The following EPSTI1 variants were observed in gnomAD, a reference collection of about 807,000 sequenced individuals.
EPSTI1 encodes epithelial-stromal interaction protein 1.
A neutral mutation model predicts 49.9 loss-of-function variants in EPSTI1; 66 were observed. The ratio of observed to expected loss-of-function variants is 1.32; its 90% CI spans 1.08 to 1.62. The LOEUF (loss-of-function observed/expected upper bound fraction) is 1.62, where lower values mean the gene tolerates loss of function less well. Among genes scored for constraint, EPSTI1 ranks in the 40% most tolerant of loss-of-function variants. The probability of loss-of-function intolerance (pLI) is 0.00; values close to 1 mark genes in which losing one functional copy is unlikely to be tolerated. For missense variants in EPSTI1, 394 were observed against 365.5 expected (o/e 1.08, Z -0.64); for synonymous variants, 137 against 130.7 (o/e 1.05, Z -0.33).
At position 42,964,142 on chromosome 13, in the gene EPSTI1, T is replaced by C. The variant is rs367912895; in HGVS notation, c.332-3A>G. On this transcript the variant is annotated splice_polypyrimidine_tract_variant and splice_region_variant and intron_variant, in intron 3 of 10. Transcript: ENST00000313624. ...TTCAGTTTCTGACTGGCTTCCACCT[T>C]AGGAAAAAAAAATCCATGAAGGTGA... 2 of 1,610,636 alleles carry C rather than the reference T, an allele frequency of 1.2e-6. No individual in the cohort carries two copies. Among genetic ancestry groups the C allele is most frequent in the Non-Finnish European group, 1.7e-6 (2 of 1,178,882 alleles).
At chr13:42,903,207 GAC>G (rs1337178758) in intron 8 of EPSTI1, among the ~76,000 whole-genome samples, 1 of 76,820 alleles carries the variant, frequency 1.3e-5, no homozygotes, top group Non-Finnish European at 4.0e-5. Flanking sequence ...TGCATACTAT[GAC>G]ATGTTACTTT....
chr13:42,916,923 C>A (rs973727596), intron 8 of EPSTI1, among the ~76,000 whole-genome samples: 2 of 152,166 alleles, frequency 1.3e-5, no homozygotes, highest in African/African-American at 4.8e-5. Context: ...GTATGAACAT[C>A]AAGTATGCCA....
At chr13:42,991,938 C>T (rs762678435) in intron 1 of EPSTI1, 40 bp downstream of exon 1, 1 of 1,610,808 alleles carries the variant, frequency 6.2e-7, no homozygotes, top group Non-Finnish European at 8.5e-7. Flanking sequence ...TGTTTGGGGC[C>T]CGGGCTCCCG....
chr13:42,901,832 T>A (rs1365576987), intron 8 of EPSTI1, among the ~76,000 whole-genome samples: 1 of 152,140 alleles, frequency 6.6e-6, no homozygotes, highest in Non-Finnish European at 1.5e-5. Context: ...TAGTTACATA[T>A]GTATACATGT....
At chr13:42,965,348 T>G (rs1248461143) in intron 3 of EPSTI1, among the ~76,000 whole-genome samples, 1 of 152,172 alleles carries the variant, frequency 6.6e-6, no homozygotes, top group Non-Finnish European at 1.5e-5. Context: ...CACACATACC[T>G]GACTAACCCT....
intron 6 of EPSTI1, among the ~76,000 whole-genome samples, chr13:42,933,563 T>C (rs1013018987): frequency 2.0e-5 from 3 of 152,222 alleles, no homozygotes; most frequent in African/African-American, 7.2e-5. Flanking sequence ...TACACCATCC[T>C]CTTTGCCATT....
intron 9 of EPSTI1, among the ~76,000 whole-genome samples, chr13:42,897,622 G>A (rs995098831): frequency 6.6e-5 from 10 of 152,270 alleles, no homozygotes; most frequent in South Asian, 2.1e-4. Context: ...CAAACCCTGC[G>A]AAGACTGATG....
intron 5 of EPSTI1, among the ~76,000 whole-genome samples, chr13:42,958,485 G>C (rs2039341918): frequency 6.6e-6 from 1 of 152,080 alleles, no homozygotes; most frequent in Non-Finnish European, 1.5e-5. Context: ...AGGAGAAAGG[G>C]AGCTTAACTG....
chr13:42,933,287 TTGGAAA>T (rs2038440167), intron 6 of EPSTI1, among the ~76,000 whole-genome samples: 1 of 149,678 alleles, frequency 6.7e-6, no homozygotes, highest in African/African-American at 2.5e-5. Flanking sequence ...TCTCTCTAAG[TTGGAAA>T]TTATTTCAAC....
At chr13:42,908,909 C>A (rs1192273396) in intron 8 of EPSTI1, among the ~76,000 whole-genome samples, 2 of 147,540 alleles carry the variant, frequency 1.4e-5, no homozygotes, top group African/African-American at 2.5e-5. Flanking sequence ...ATGGTGAAAC[C>A]CTGTCTCGAC....
At chr13:42,938,429 A>G (rs1474933369) in intron 6 of EPSTI1, among the ~76,000 whole-genome samples, 9 of 152,112 alleles carry the variant, frequency 5.9e-5, no homozygotes, top group Admixed American at 5.2e-4. Context: ...ACAATTTAGC[A>G]TATTTTTTTA....
At chr13:42,950,982 C>A (rs148562786) in intron 6 of EPSTI1, among the ~76,000 whole-genome samples, 1 of 152,010 alleles carries the variant, frequency 6.6e-6, no homozygotes, top group Admixed American at 6.6e-5. Context: ...CATGGTGAAA[C>A]CCTATCTCTA....
chr13:42,980,391 A>G (rs1266383918), intron 1 of EPSTI1, among the ~76,000 whole-genome samples: 3 of 152,208 alleles, frequency 2.0e-5, no homozygotes, highest in East Asian at 1.9e-4. Context: ...ATTTATAAAG[A>G]AAAAGAGGTT....
intron 8 of EPSTI1, 93 bp from the exon 9 acceptor site, chr13:42,900,476 T>C (rs546234745): frequency 1.2e-5 from 14 of 1,211,614 alleles, no homozygotes; most frequent in South Asian, 5.3e-5. Flanking sequence ...CCTCAACTGG[T>C]ACAATATTTC....
intron 8 of EPSTI1, among the ~76,000 whole-genome samples, chr13:42,905,221 G>A (rs2037465147): frequency 6.6e-6 from 1 of 152,166 alleles, no homozygotes; most frequent in Admixed American, 6.5e-5. Context: ...GGCAAGGAAA[G>A]GGGAGAAGAG....
intron 6 of EPSTI1, among the ~76,000 whole-genome samples, chr13:42,950,779 C>T (rs565586492): frequency 6.6e-6 from 1 of 152,298 alleles, no homozygotes; most frequent in Admixed American, 6.5e-5. Flanking sequence ...TATGTTCCTT[C>T]ATTTAACAGT....
intron 8 of EPSTI1, among the ~76,000 whole-genome samples, chr13:42,914,432 A>G (rs2037773392): frequency 6.6e-6 from 1 of 152,192 alleles, no homozygotes; most frequent in South Asian, 2.1e-4. Context: ...ACAGTTAAAA[A>G]AAAAAATAAA....
chr13:42,943,640 C>T (rs2038830804), intron 6 of EPSTI1, among the ~76,000 whole-genome samples: 1 of 152,106 alleles, frequency 6.6e-6, no homozygotes, highest in African/African-American at 2.4e-5. Context: ...ATAAGAAAAC[C>T]AAGTGAAACT....
chr13:42,944,617 A>G (rs1348592588), intron 6 of EPSTI1, among the ~76,000 whole-genome samples: 5 of 152,182 alleles, frequency 3.3e-5, no homozygotes, highest in African/African-American at 4.8e-5. Context: ...GTGTATACCT[A>G]TGTAACAAAG....
Sources: gnomAD v4.1 joint callset for allele counts (sites outside exome capture counted in the v4.1 genomes callset) on GRCh38, gnomAD v4.1.1 for gene constraint, MANE v1.5 for transcripts, NCBI Gene and HGNC (gene_info 2026-07-23, HGNC 2026-07-21) for gene names.